GPT2: variants seen among roughly 807,000 people sequenced by gnomAD.
GPT2 encodes the protein glutamic--pyruvic transaminase 2, also known as alanine aminotransferase 2.
GPT2 carries 30 observed loss-of-function variants against 56.9 expected under a neutral mutation model. That is an observed-to-expected ratio of 0.53 (90% CI 0.39 to 0.72). GPT2 has a LOEUF of 0.72. Among genes scored for constraint, GPT2 ranks in the 30% least tolerant of loss-of-function variants. The pLI, the probability that GPT2 is intolerant of heterozygous loss-of-function variation, is 0.00. For missense variants in GPT2, 542 were observed against 703.4 expected, an observed-to-expected ratio of 0.77 and a Z score of 2.60; for synonymous variants, 271 against 283.1, an observed-to-expected ratio of 0.96 and a Z score of 0.43.
At chr16:46,924,270 TC>T (rs879747938) in intron 9 of GPT2, 118 bp from the exon 10 acceptor site, 5 of 1,158,730 alleles carry the variant, frequency 4.3e-6, no homozygotes, top group Non-Finnish European at 5.1e-6. Flanking sequence ...GGACATGTGT[TC>T]AAAGCTGGAG....
intron 8 of GPT2, among the ~76,000 whole-genome samples, chr16:46,921,531 G>A (rs1450738516): frequency 6.6e-6 from 1 of 152,110 alleles, no homozygotes; most frequent in Non-Finnish European, 1.5e-5. Context: ...GCTGGGGGTG[G>A]GGGATGCATG....
At chr16:46,914,577 T>C (rs1961105240) in intron 6 of GPT2, among the ~76,000 whole-genome samples, 1 of 152,190 alleles carries the variant, frequency 6.6e-6, no homozygotes, top group African/African-American at 2.4e-5. Context: ...GTAAGTGTTC[T>C]CTGTTAGCGT....
At chr16:46,915,687 A>G in intron 6 of GPT2, 1 of 147,014 alleles carries the variant, frequency 6.8e-6, no homozygotes, top group Non-Finnish European at 1.5e-5. Flanking sequence ...ACACACCTAT[A>G]CACACACCAC....
At chr16:46,917,328 G>A (rs1567341577) in intron 7 of GPT2, among the ~76,000 whole-genome samples, 1 of 152,120 alleles carries the variant, frequency 6.6e-6, no homozygotes, top group Non-Finnish European at 1.5e-5. Context: ...AATTGAGGGG[G>A]CTCCTACCCA....
In GPT2 at chr16:46,894,493, G is replaced by C. The variant is rs1960645899; in HGVS notation, c.244-3155G>C. 2.0e-5 allele frequency among the ~76,000 whole-genome samples: 3 copies of C among 152,178 alleles called. No individual in the cohort carries two copies. In the South Asian group the frequency reaches 6.2e-4, roughly 31 times the overall value. ...GATCGGGCCCGTCCCTTTGCACACA[G>C]AGGCTTGGGTAACTGCCCACACCCT... is the stretch of plus-strand genomic sequence containing the variant. On this transcript the variant is annotated intron_variant, in intron 2 of 11. Coordinates refer to ENST00000340124, the MANE Select transcript of GPT2 (RefSeq NM_133443.4).
At chr16:46,915,192 G>A (rs747958909) in intron 6 of GPT2, 5 of 152,094 alleles carry the variant, frequency 3.3e-5, no homozygotes, top group African/African-American at 7.3e-5. Context: ...GATTACAGGC[G>A]TGAGCCATTG....
intron 2 of GPT2, among the ~76,000 whole-genome samples, chr16:46,897,245 C>T (rs1345739880): frequency 6.6e-6 from 1 of 151,992 alleles, no homozygotes; most frequent in East Asian, 1.9e-4. Flanking sequence ...TGGTGGTGCA[C>T]GTCTGTAATC....
chr16:46,905,810 C>A (rs956358179), intron 4 of GPT2, among the ~76,000 whole-genome samples: 1 of 152,208 alleles, frequency 6.6e-6, no homozygotes, highest in Non-Finnish European at 1.5e-5. Context: ...AGCTGCCAAC[C>A]CCCTGTACAC....
chr16:46,920,417 G>T (rs565289471), intron 8 of GPT2, among the ~76,000 whole-genome samples: 1 of 152,348 alleles, frequency 6.6e-6, no homozygotes, highest in South Asian at 2.1e-4. Context: ...GGAGCTCTAA[G>T]CCTGGACACA....
At chr16:46,915,240 A>G (rs1436389567) in intron 6 of GPT2, 1 of 152,108 alleles carries the variant, frequency 6.6e-6, no homozygotes, top group Non-Finnish European at 1.5e-5. Context: ...TGATGCTTCC[A>G]TGCCTTTCTG....
intron 3 of GPT2, among the ~76,000 whole-genome samples, chr16:46,898,998 C>CATATATAT (rs61197632): frequency 8.0e-6 from 1 of 124,438 alleles, no homozygotes; most frequent in African/African-American, 3.6e-5. Flanking sequence ...ATATAACACA[C>CATATATAT]ATATATATAT....
At chr16:46,917,205 A>AT (rs1961186296) in intron 7 of GPT2, among the ~76,000 whole-genome samples, 1 of 152,112 alleles carries the variant, frequency 6.6e-6, no homozygotes, top group Non-Finnish European at 1.5e-5. Flanking sequence ...AATCACTGTG[A>AT]TGTAGGGGTT....
In GPT2 at chr16:46,913,557, G is replaced by T. The variant is rs184358493; in HGVS notation, c.821-3071G>T. On this transcript the variant is annotated intron_variant, in intron 6 of 11. Transcript: ENST00000340124. ...GTGCTTTCTTGGCAGAAGAAAAGTTGGTCCGTTAGTAAAGGAATTGGTTCA... is the reference window on the plus strand; with the variant it reads ...GTGCTTTCTTGGCAGAAGAAAAGTTTGTCCGTTAGTAAAGGAATTGGTTCA... Among the ~76,000 whole-genome samples the T allele has an allele frequency of 4.0e-4, 61 of 152,258 alleles. No individual in the cohort carries two copies. In the East Asian group the frequency reaches 0.01, roughly 26 times the overall value.
chr16:46,927,961 G>C (rs1254324089), intron 11 of GPT2, among the ~76,000 whole-genome samples: 1 of 152,130 alleles, frequency 6.6e-6, no homozygotes, highest in Non-Finnish European at 1.5e-5. Flanking sequence ...GATAAAAAAG[G>C]CCCCTCAGGT....
intron 8 of GPT2, among the ~76,000 whole-genome samples, chr16:46,919,591 G>A (rs1961242706): frequency 6.6e-6 from 1 of 152,256 alleles, no homozygotes; most frequent in African/African-American, 2.4e-5. Context: ...GGAAAGGAGG[G>A]GGCACGGGGG....
intron 3 of GPT2, among the ~76,000 whole-genome samples, chr16:46,898,912 A>G (rs1368779644): frequency 6.8e-6 from 1 of 146,140 alleles, no homozygotes; most frequent in Non-Finnish European, 1.5e-5. Context: ...ACATATATAT[A>G]CACACACATA....
At position 46,922,290 on chromosome 16, in the gene GPT2, G is replaced by A; in HGVS notation, c.1086G>A (p.Glu362=). ...GYMEVINLHP[E]IKGQLVKLLS... is the part of the protein sequence containing the mutation. ...TGGAGGTGATCAACCTGCACCCTGA[G>A]ATCAAGGGCCAGCTGGTGAAGCTGC... The change falls in exon 9 of 12, where the codon GAG becomes GAA. Residue 362 remains glutamate (E), a synonymous_variant. Transcript: ENST00000340124. The A allele has an allele frequency of 6.2e-7, 1 of 1,614,178 alleles. No homozygotes were observed. The highest frequency in any genetic ancestry group is 2.2e-5 in the East Asian group (1 of 44,884).
At chr16:46,918,090 G>A (rs962604053) in intron 7 of GPT2, among the ~76,000 whole-genome samples, 6 of 152,190 alleles carry the variant, frequency 3.9e-5, no homozygotes, top group Non-Finnish European at 7.3e-5. Flanking sequence ...TGCTGGACTC[G>A]GGACTGGAAA....
rs922726299 is a variant in GPT2, at chr16:46,915,797, CCCA to C, written c.821-826_821-824del. 7.3e-5 allele frequency: 11 copies of C among 150,476 alleles called. No homozygotes were observed. In the East Asian group the frequency reaches 7.9e-4, roughly 11 times the overall value. 9.3% of individuals were successfully genotyped at this position (150,476 alleles called of 1,614,324 possible). A position where few individuals can be genotyped will look rare whatever the true frequency, so the allele number is the denominator to read the frequency against. On this transcript the variant is annotated intron_variant, in intron 6 of 11. Coordinates refer to ENST00000340124, the MANE Select transcript of GPT2 (RefSeq NM_133443.4). Reference sequence around the variant, plus strand: ...CACACCCCACACACAGGCTCATATACCCACCACACCTACACACACACCCCCATC... The same window carrying C: ...CACACCCCACACACAGGCTCATATACCCACACCTACACACACACCCCCATC...
Sources: allele counts gnomAD v4.1 joint callset (sites outside exome capture counted in the v4.1 genomes callset), GRCh38; gene constraint gnomAD v4.1.1; transcripts MANE v1.5; gene names NCBI Gene and HGNC (gene_info 2026-07-23, HGNC 2026-07-21).